Variants in SUCLA2 observed in about 807,000 individuals in gnomAD.
The protein encoded by SUCLA2 is succinate--CoA ligase [ADP-forming] subunit beta, mitochondrial.
SUCLA2 carries 30 observed loss-of-function variants against 54.8 expected under a neutral mutation model. The ratio of observed to expected loss-of-function variants is 0.55; its 90% CI spans 0.41 to 0.74. SUCLA2 has a LOEUF of 0.74. SUCLA2 is among the 30% of genes least tolerant of loss of function. The probability of loss-of-function intolerance (pLI) is 0.00; values close to 1 mark genes in which losing one functional copy is unlikely to be tolerated. For synonymous variants in SUCLA2, 172 were observed against 188.9 expected (o/e 0.91, Z 0.74); for missense variants, 476 against 562.9 (o/e 0.85, Z 1.56).
At position 47,954,491 on chromosome 13, in the gene SUCLA2, T is replaced by C. The variant is rs754758226; in HGVS notation, c.869A>G (p.Asp290Gly). ...ATCTTCCTGGGTCCAGTCCTGTAGA[T>C]CAAAGATTTTCTTTTGGCGATAGGC... ...NSAYRQKKIF[D>G]LQDWTQEDER... is the part of the protein sequence containing the mutation. The change falls in exon 7 of 11, where the codon GAT (aspartate) becomes GGT (glycine). Residue 290 changes from aspartate (D) to glycine (G), a missense_variant. Asp to Gly is a moderately conservative substitution (Grantham distance 94, BLOSUM62 -1). Transcript: ENST00000646932. 3 of 1,613,892 alleles carry C rather than the reference T, an allele frequency of 1.9e-6. No homozygotes were observed. In the South Asian group the frequency reaches 3.3e-5, roughly 18 times the overall value.
chr13:47,997,044 T>C, intron 1 of SUCLA2, 21 bp from the exon 2 acceptor site: 1 of 1,613,734 alleles, frequency 6.2e-7, no homozygotes. Context: ...TGGGGACATA[T>C]TTATATATGA....
chr13:47,989,007 T>C, intron 2 of SUCLA2, 26 bp from the exon 3 acceptor site: 2 of 1,597,932 alleles, frequency 1.3e-6, no homozygotes, highest in East Asian at 2.2e-5. Context: ...TTCTATTAAA[T>C]ATGAAGCATG....
intron 6 of SUCLA2, among the ~76,000 whole-genome samples, chr13:47,962,463 T>G (rs559468928): frequency 6.6e-6 from 1 of 152,352 alleles, no homozygotes; most frequent in East Asian, 1.9e-4. Context: ...TGGGCAATGA[T>G]TCTTGTCGCA....
Position 47,948,968 on chromosome 13 carries a change from CAAGCAAGT to C in SUCLA2, c.1281_1288del (p.Ile427MetfsTer2), listed in dbSNP as rs773354706. The C allele has an allele frequency of 6.2e-7, 1 of 1,613,712 alleles. No homozygotes were observed. The highest frequency in any genetic ancestry group is 1.3e-5 in the African/African-American group (1 of 74,902). ...TCTAGCAGCTTCATCCAAGTCATCA[CAAGCAAGT>C]ATTTTAAGTCCACTGTCCGCTATCA... On this transcript the variant is annotated frameshift_variant, in exon 10 of 11. Transcript: ENST00000646932. LOFTEE classifies it high-confidence loss of function.
chr13:47,972,664 G>A (rs1172570510), intron 5 of SUCLA2, among the ~76,000 whole-genome samples: 13 of 60,742 alleles, frequency 2.1e-4, no homozygotes, highest in South Asian at 1.0e-3. Context: ...GCAAGACTCC[G>A]TCTTAAAAAA....
intron 8 of SUCLA2, among the ~76,000 whole-genome samples, chr13:47,953,358 C>G (rs940247150): frequency 6.6e-6 from 1 of 152,276 alleles, no homozygotes; most frequent in Admixed American, 6.5e-5. Context: ...CTTTAATACT[C>G]TGCTTCTCGA....
chr13:47,943,579 G>A, intron 10 of SUCLA2, 134 bp from the exon 11 acceptor site: 2 of 753,284 alleles, frequency 2.7e-6, no homozygotes, highest in Non-Finnish European at 4.6e-6. Flanking sequence ...ATCACATTAC[G>A]TTCTTATAAG....
At chr13:47,992,982 C>A (rs903507114) in intron 2 of SUCLA2, among the ~76,000 whole-genome samples, 11 of 152,210 alleles carry the variant, frequency 7.2e-5, no homozygotes, top group African/African-American at 2.7e-4. Context: ...GTAGTCCCAG[C>A]ACTTTGGGAA....
intron 10 of SUCLA2, among the ~76,000 whole-genome samples, chr13:47,946,593 T>TAAAA (rs1422136396): frequency 4.7e-5 from 7 of 149,828 alleles, no homozygotes; most frequent in South Asian, 2.1e-4. Flanking sequence ...TTTTTTTTTT[T>TAAAA]AAAAAAAGCA....
intron 6 of SUCLA2, among the ~76,000 whole-genome samples, chr13:47,959,945 C>G (rs949579582): frequency 6.6e-6 from 1 of 152,114 alleles, no homozygotes; most frequent in Non-Finnish European, 1.5e-5. Context: ...TGCATGGATA[C>G]TGCTGGAGTA....
At chr13:47,970,423 T>C (rs927248560) in intron 5 of SUCLA2, among the ~76,000 whole-genome samples, 2 of 152,194 alleles carry the variant, frequency 1.3e-5, no homozygotes, top group African/African-American at 4.8e-5. Flanking sequence ...CATCTAAATT[T>C]CACTCTCCAG....
At chr13:47,978,593 A>ACATAGG (rs1950036134) in intron 4 of SUCLA2, among the ~76,000 whole-genome samples, 1 of 152,220 alleles carries the variant, frequency 6.6e-6, no homozygotes, top group South Asian at 2.1e-4. Context: ...ACCATTCAGG[A>ACATAGG]CATAGGCATA....
chr13:47,967,938 A>T (rs1035087211), intron 6 of SUCLA2, among the ~76,000 whole-genome samples: 2 of 152,132 alleles, frequency 1.3e-5, no homozygotes, highest in African/African-American at 4.8e-5. Flanking sequence ...ACAATAAAGG[A>T]CAATCTCAGA....
intron 4 of SUCLA2, among the ~76,000 whole-genome samples, chr13:47,987,378 T>C (rs1950112117): frequency 6.6e-6 from 1 of 152,074 alleles, no homozygotes; most frequent in South Asian, 2.1e-4. Flanking sequence ...ATATATAATG[T>C]CAATGAAAAG....
chr13:47,994,339 GC>G (rs1950174323), intron 2 of SUCLA2, among the ~76,000 whole-genome samples: 5 of 152,012 alleles, frequency 3.3e-5, no homozygotes, highest in Non-Finnish European at 7.4e-5. Context: ...GGAGGCCTAG[GC>G]GGGTGGATCA....
At chr13:47,959,532 G>T (rs1949850918) in intron 6 of SUCLA2, among the ~76,000 whole-genome samples, 1 of 134,700 alleles carries the variant, frequency 7.4e-6, no homozygotes, top group Admixed American at 7.8e-5. Flanking sequence ...GGAGGAGGAG[G>T]AAAATCTGGG....
chr13:47,994,713 A>T, intron 2 of SUCLA2: 1 of 425,684 alleles, frequency 2.3e-6, no homozygotes, highest in Non-Finnish European at 3.1e-6. Context: ...CACTATAATC[A>T]TCATTTGCAA....
intron 1 of SUCLA2, among the ~76,000 whole-genome samples, chr13:47,999,207 G>A (rs539722375): frequency 8.6e-4 from 59 of 68,438 alleles, no homozygotes; most frequent in African/African-American, 2.1e-3. Context: ...TGTCTATAAA[G>A]AACACTTTGG....
At chr13:47,958,215 T>C (rs1467120336) in intron 6 of SUCLA2, among the ~76,000 whole-genome samples, 1 of 152,176 alleles carries the variant, frequency 6.6e-6, no homozygotes, top group African/African-American at 2.4e-5. Context: ...GAAAACTGCT[T>C]TACCCAAAGT....
Sources: allele counts gnomAD v4.1 joint callset (sites outside exome capture counted in the v4.1 genomes callset), GRCh38; gene constraint gnomAD v4.1.1; transcripts MANE v1.5; gene names NCBI Gene and HGNC (gene_info 2026-07-23, HGNC 2026-07-21).